The following CCDC62 variants were observed in gnomAD, a reference collection of about 807,000 sequenced individuals.
The protein encoded by CCDC62 is coiled-coil domain-containing protein 62.
Under a neutral mutation model 80.8 loss-of-function variants are expected in CCDC62, and 72 were observed. The ratio of observed to expected loss-of-function variants is 0.89; its 90% CI spans 0.74 to 1.08. The LOEUF (loss-of-function observed/expected upper bound fraction) is 1.08. Among genes scored for constraint, CCDC62 ranks in the 50% least tolerant of loss-of-function variants. The pLI, the probability that CCDC62 is intolerant of heterozygous loss-of-function variation, is 0.00. For missense variants in CCDC62, 704 were observed against 809.4 expected, an observed-to-expected ratio of 0.87 and a Z score of 1.58; for synonymous variants, 286 against 296.5, an observed-to-expected ratio of 0.96 and a Z score of 0.36.
At chr12:122,806,846 TA>T (rs200545254) in intron 10 of CCDC62, among the ~76,000 whole-genome samples, 128 of 137,156 alleles carry the variant, frequency 9.3e-4, no homozygotes, top group East Asian at 8.8e-3. Context: ...ATGTTGGTTG[TA>T]AAAAAAAAAA....
chr12:122,824,218 C>T (rs979852554), intron 12 of CCDC62, among the ~76,000 whole-genome samples: 4 of 152,012 alleles, frequency 2.6e-5, no homozygotes, highest in African/African-American at 9.7e-5. Flanking sequence ...GAGTTTGAGA[C>T]AAGCCTGGCC....
chr12:122,826,522 A>G lies in CCDC62; in HGVS notation c.*141A>G. The G allele has an allele frequency of 1.3e-6, 1 of 752,804 alleles. No homozygotes were observed. Among genetic ancestry groups the G allele is most frequent in the South Asian group, 1.5e-5 (1 of 68,866 alleles). The allele number at this position is 752,804 out of a possible 1,614,324, so 46.6% of individuals were successfully genotyped here. A position where few individuals can be genotyped will look rare whatever the true frequency, so the allele number is the denominator to read the frequency against. The stretch of plus-strand genomic sequence containing the variant: ...TTCTAGTTCTTCATAAACGGCACTT[A>G]ATTCCAGCTGGGAGCAGAACTAGAA... On this transcript the variant is annotated 3_prime_UTR_variant, in exon 13 of 13. Transcript: ENST00000253079.
chr12:122,797,691 C>T (rs1009777048), intron 7 of CCDC62, among the ~76,000 whole-genome samples: 1 of 152,124 alleles, frequency 6.6e-6, no homozygotes, highest in Non-Finnish European at 1.5e-5. Context: ...CATGTGCCCA[C>T]CACCACGCCC....
chr12:122,786,919 C>T (rs372049735), intron 4 of CCDC62, among the ~76,000 whole-genome samples: 1 of 152,068 alleles, frequency 6.6e-6, no homozygotes, highest in Non-Finnish European at 1.5e-5. Context: ...GAAATCGCGC[C>T]ACTGCACTCC....
chr12:122,797,149 A>G (rs1376151700), intron 6 of CCDC62, among the ~76,000 whole-genome samples, 158 bp from the exon 7 acceptor site: 1 of 152,150 alleles, frequency 6.6e-6, no homozygotes, highest in African/African-American at 2.4e-5. Context: ...AAGTGCTGCA[A>G]TTACAGGTGT....
intron 9 of CCDC62, among the ~76,000 whole-genome samples, chr12:122,803,964 AT>A: frequency 6.6e-6 from 1 of 152,218 alleles, no homozygotes; most frequent in East Asian, 1.9e-4. Context: ...GATTGAAGTG[AT>A]TGCCTGTTCT....
intron 6 of CCDC62, among the ~76,000 whole-genome samples, chr12:122,796,255 C>T (rs2030954024): frequency 6.9e-6 from 1 of 144,396 alleles, no homozygotes; most frequent in South Asian, 2.2e-4. Flanking sequence ...ACTCTGAGGG[C>T]CAGGTAAAGT....
intron 12 of CCDC62, among the ~76,000 whole-genome samples, 174 bp from the exon 13 acceptor site, chr12:122,826,248 C>G (rs1339550036): frequency 6.6e-6 from 1 of 151,990 alleles, no homozygotes; most frequent in Admixed American, 6.6e-5. Context: ...ATCCCTCCTC[C>G]TCTCCCCTCC....
chr12:122,823,523 A>G, intron 12 of CCDC62, 64 bp downstream of exon 12: 1 of 842,186 alleles, frequency 1.2e-6, no homozygotes, highest in Non-Finnish European at 2.0e-6. Context: ...ACTTGGGAAC[A>G]TCGATAACGT....
intron 2 of CCDC62, 48 bp from the exon 3 acceptor site, chr12:122,781,116 C>T: frequency 6.7e-7 from 1 of 1,501,648 alleles, no homozygotes; most frequent in Non-Finnish European, 9.1e-7. Context: ...AAAATAATGC[C>T]TTTTAAGCTG....
At chr12:122,823,043 C>T (rs2032477590) in intron 11 of CCDC62, among the ~76,000 whole-genome samples, 1 of 152,176 alleles carries the variant, frequency 6.6e-6, no homozygotes, top group South Asian at 2.1e-4. Context: ...TTACTGCAAC[C>T]TCCACCTCCT....
chr12:122,785,875 T>C (rs984854071), intron 4 of CCDC62, 55 bp downstream of exon 4: 119 of 1,178,062 alleles, frequency 1.0e-4, no homozygotes, highest in Non-Finnish European at 1.4e-4. Context: ...GTTATATCCA[T>C]ATTCATTATC....
chr12:122,799,717 T>C (rs1351634509), intron 8 of CCDC62, among the ~76,000 whole-genome samples: 2 of 152,198 alleles, frequency 1.3e-5, no homozygotes, highest in Non-Finnish European at 2.9e-5. Context: ...TTTGGAACCA[T>C]GGAGGCTGGA....
chr12:122,812,768 AGAGAGAGAG>A (rs2031966793), intron 10 of CCDC62, among the ~76,000 whole-genome samples: 4 of 88,614 alleles, frequency 4.5e-5, no homozygotes, highest in African/African-American at 2.2e-4. Flanking sequence ...AGAGAGAGAG[AGAGAGAGAG>A]AGAAAGAAAG....
chr12:122,782,607 C>T (rs1486697956), intron 3 of CCDC62, among the ~76,000 whole-genome samples: 1 of 151,980 alleles, frequency 6.6e-6, no homozygotes, highest in African/African-American at 2.4e-5. Flanking sequence ...TACAGGCATG[C>T]ACCACTATGC....
At chr12:122,822,678 A>G (rs1369419362) in intron 11 of CCDC62, among the ~76,000 whole-genome samples, 2 of 125,842 alleles carry the variant, frequency 1.6e-5, no homozygotes, top group Non-Finnish European at 3.2e-5. Context: ...GGTTCACACC[A>G]TTGAGTTCCA....
At chr12:122,778,873 C>G (rs1035407756) in intron 2 of CCDC62, among the ~76,000 whole-genome samples, 1 of 150,256 alleles carries the variant, frequency 6.7e-6, no homozygotes, top group Admixed American at 6.6e-5. Context: ...AGCGAGACTC[C>G]GTCAAAACAA....
chr12:122,777,353 T>G (rs565810885), intron 1 of CCDC62, 138 bp from the exon 2 acceptor site: 75 of 655,716 alleles, frequency 1.1e-4, no homozygotes, highest in Non-Finnish European at 1.8e-4. Flanking sequence ...CATAATCTTT[T>G]GCTGCCATGT....
At chr12:122,811,458 G>A (rs746641203) in intron 10 of CCDC62, among the ~76,000 whole-genome samples, 12 of 149,816 alleles carry the variant, frequency 8.0e-5, no homozygotes, top group Non-Finnish European at 1.3e-4. Context: ...TGATCTGCTC[G>A]CCTCAGCCTC....
Sources: allele counts gnomAD v4.1 joint callset (sites outside exome capture counted in the v4.1 genomes callset), GRCh38; gene constraint gnomAD v4.1.1; transcripts MANE v1.5; gene names NCBI Gene and HGNC (gene_info 2026-07-23, HGNC 2026-07-21).